MARS1: variants seen among roughly 807,000 people sequenced by gnomAD.
MARS1 encodes methionyl-tRNA synthetase 1.
Under a neutral mutation model 119.5 loss-of-function variants are expected in MARS1, and 80 were observed. The observed-to-expected ratio is 0.67, with a 90% CI of 0.56 to 0.81. MARS1 has a LOEUF of 0.81. Among genes scored for constraint, MARS1 ranks in the 30% least tolerant of loss-of-function variants. The pLI is 0.00. For synonymous variants in MARS1, 418 were observed against 433.4 expected (o/e 0.96, Z 0.44); for missense variants, 945 against 1,116.5 (o/e 0.85, Z 2.19).
At chr12:57,488,795 C>A in intron 1 of MARS1, 6 of 871,648 alleles carry the variant, frequency 6.9e-6, no homozygotes, top group Non-Finnish European at 1.1e-5. Flanking sequence ...CCTCTGCAGT[C>A]CCCATCTGTT....
chr12:57,498,972 C>T (rs956505929), intron 9 of MARS1, among the ~76,000 whole-genome samples: 1 of 152,030 alleles, frequency 6.6e-6, no homozygotes, highest in African/African-American at 2.4e-5. Context: ...CTTCCTCTGC[C>T]TAATACTCAT....
At position 57,511,742 on chromosome 12, in the gene MARS1, C is replaced by T; in HGVS notation, c.1413C>T (p.Gly471=). 1 of 1,614,218 alleles carries T rather than the reference C, an allele frequency of 6.2e-7. No individual in the cohort carries two copies. The highest frequency in any genetic ancestry group is 8.5e-7 in the Non-Finnish European group (1 of 1,180,042). The part of the protein sequence containing the change: ...LEEWLGRTLP[G]SDWTPNAQFI... ...AGTGGTTGGGGAGGACATTGCCTGG[C>T]AGTGACTGGACACCCAATGCCCAGT... The change falls in exon 12 of 21, where the codon GGC becomes GGT. Residue 471 remains glycine, a synonymous_variant. Transcript: ENST00000262027.
intron 11 of MARS1, among the ~76,000 whole-genome samples, chr12:57,508,450 G>A (rs1203132327): frequency 6.6e-6 from 1 of 152,166 alleles, no homozygotes; most frequent in Non-Finnish European, 1.5e-5. Flanking sequence ...CTGGCGGTTA[G>A]GAGCTGGAGA....
chr12:57,515,399 TGAGAGAAGACCTAACATCTCTCCA>T, intron 18 of MARS1, 63 bp downstream of exon 18: 1 of 1,507,318 alleles, frequency 6.6e-7, no homozygotes, highest in African/African-American at 1.4e-5. Context: ...TTGGAGTGGG[TGAGAGAAGACCTAACATCTCTCCA>T]GTGTTACTTT....
chr12:57,505,231 G>A (rs926442296), intron 11 of MARS1, among the ~76,000 whole-genome samples: 5 of 150,502 alleles, frequency 3.3e-5, no homozygotes, highest in Non-Finnish European at 5.9e-5. Flanking sequence ...GCACGGTCTC[G>A]GCTCACTGCA....
At chr12:57,507,460 G>A (rs1877242899) in intron 11 of MARS1, among the ~76,000 whole-genome samples, 1 of 72,494 alleles carries the variant, frequency 1.4e-5, no homozygotes, top group Middle Eastern at 9.1e-3. Context: ...TCCCGGACGG[G>A]GCGGCTGGCC....
At chr12:57,503,243 T>C (rs1012811028) in intron 10 of MARS1, among the ~76,000 whole-genome samples, 1 of 151,712 alleles carries the variant, frequency 6.6e-6, no homozygotes, top group Non-Finnish European at 1.5e-5. Flanking sequence ...CTTTTTTTTT[T>C]TTTTTTTGAG....
chr12:57,490,894 G>C (rs1223444965), intron 7 of MARS1, among the ~76,000 whole-genome samples: 1 of 34,052 alleles, frequency 2.9e-5, no homozygotes, highest in Non-Finnish European at 6.5e-5. Flanking sequence ...TTTTTTTTTT[G>C]AGGCGGAGTT....
intron 4 of MARS1, 34 bp from the exon 5 acceptor site, chr12:57,489,862 T>C (rs752466933): frequency 6.3e-7 from 1 of 1,577,340 alleles, no homozygotes; most frequent in South Asian, 1.1e-5. Context: ...AGTGTCTCAT[T>C]TGTGTACATT....
chr12:57,498,806 C>G (rs1437815228), intron 9 of MARS1, among the ~76,000 whole-genome samples, 183 bp downstream of exon 9: 1 of 152,022 alleles, frequency 6.6e-6, no homozygotes, highest in Non-Finnish European at 1.5e-5. Flanking sequence ...AGAAGCCTGA[C>G]CAGGAGCTGA....
intron 8 of MARS1, 31 bp from the exon 9 acceptor site, chr12:57,498,389 G>A (rs1463508089): frequency 6.2e-7 from 1 of 1,608,206 alleles, no homozygotes; most frequent in South Asian, 1.1e-5. Flanking sequence ...CTGAAGCGGG[G>A]CCCCCTAGCG....
At chr12:57,489,641 C>G (rs1565637091) in intron 4 of MARS1, 83 bp downstream of exon 4, 2 of 1,543,414 alleles carry the variant, frequency 1.3e-6, no homozygotes, top group Non-Finnish European at 1.8e-6. Context: ...AGTGTTCGAA[C>G]CCAACACTGC....
At chr12:57,496,671 GGAGGCT>G in intron 7 of MARS1, among the ~76,000 whole-genome samples, 1 of 152,080 alleles carries the variant, frequency 6.6e-6, no homozygotes, top group Non-Finnish European at 1.5e-5. Context: ...CAGCTACCTG[GGAGGCT>G]GAGATGGAAG....
chr12:57,508,998 C>T (rs1232356392), intron 11 of MARS1, among the ~76,000 whole-genome samples: 1 of 152,120 alleles, frequency 6.6e-6, no homozygotes, highest in Non-Finnish European at 1.5e-5. Context: ...TACCACTACT[C>T]TCTATATTTA....
intron 14 of MARS1, 51 bp downstream of exon 14, chr12:57,512,404 G>A (rs746653055): frequency 1.6e-6 from 2 of 1,289,738 alleles, no homozygotes; most frequent in South Asian, 2.4e-5. Flanking sequence ...AATGAGGGGT[G>A]AGGCAGTACT....
At chr12:57,495,438 C>T (rs1333774809) in intron 7 of MARS1, among the ~76,000 whole-genome samples, 1 of 149,906 alleles carries the variant, frequency 6.7e-6, no homozygotes, top group Non-Finnish European at 1.5e-5. Flanking sequence ...ACATCTCAGA[C>T]CATGGGCGGC....
chr12:57,488,252 G>T, intron 1 of MARS1, 53 bp downstream of exon 1: 9 of 1,528,086 alleles, frequency 5.9e-6, no homozygotes, highest in Non-Finnish European at 8.1e-6. Context: ...ACCGAAACAC[G>T]CCAGATTCTC....
At chr12:57,502,249 G>A (rs1375448088) in intron 10 of MARS1, among the ~76,000 whole-genome samples, 2 of 152,134 alleles carry the variant, frequency 1.3e-5, no homozygotes, top group Non-Finnish European at 2.9e-5. Flanking sequence ...AGGAGAACAG[G>A]CTTTCAGGTG....
Position 57,498,511 on chromosome 12 carries a change from C to G in MARS1, c.979C>G (p.Leu327Val), listed in dbSNP as rs781624899. Residue 327 changes from leucine (L) to valine (V), a missense_variant, in exon 9 of 21, where the codon CTA (leucine) becomes GTA (valine). Coordinates refer to ENST00000262027, the MANE Select transcript of MARS1 (RefSeq NM_004990.4). ...AGAGACCAAGGCTCTGGAGGAGGGACTAACCCCCCAGGAGATCTGCGACAA... is the reference window on the plus strand; with the variant it reads ...AGAGACCAAGGCTCTGGAGGAGGGAGTAACCCCCCAGGAGATCTGCGACAA... ...ATETKALEEG[L>V]TPQEICDKYH... 7 of 1,614,100 alleles carry G rather than the reference C, an allele frequency of 4.3e-6. No homozygotes were observed. The Admixed American group carries it at 1.2e-4, about 27-fold the overall frequency.
Sources: gnomAD v4.1 joint callset for allele counts (sites outside exome capture counted in the v4.1 genomes callset) on GRCh38, gnomAD v4.1.1 for gene constraint, MANE v1.5 for transcripts, NCBI Gene and HGNC (gene_info 2026-07-23, HGNC 2026-07-21) for gene names.